Variants in FHIP2A observed in about 807,000 individuals in gnomAD.
The protein encoded by FHIP2A is FHF complex subunit HOOK interacting protein 2A.
In FHIP2A, 46 loss-of-function variants were observed where a neutral mutation model predicts 93.5. The observed-to-expected ratio is 0.49, with a 90% CI of 0.39 to 0.63. The LOEUF (loss-of-function observed/expected upper bound fraction) is 0.63, where lower values mean the gene tolerates loss of function less well. Among genes scored for constraint, FHIP2A ranks in the 20% least tolerant of loss-of-function variants. The pLI is 0.00. For missense variants in FHIP2A, 769 were observed against 909.7 expected, an observed-to-expected ratio of 0.85 and a Z score of 1.99; for synonymous variants, 332 against 326.5, an observed-to-expected ratio of 1.02 and a Z score of -0.18.
chr10:114,892,573 G>A (rs1334483291), intron 16 of FHIP2A, among the ~76,000 whole-genome samples: 2 of 152,108 alleles, frequency 1.3e-5, no homozygotes, highest in Non-Finnish European at 2.9e-5. Context: ...GGGAGGAGGA[G>A]GTTGCAGTGA....
chr10:114,855,182 CT>C lies in FHIP2A; in HGVS notation c.1804-9del, dbSNP rs748785280. 46 of 1,594,198 alleles carry C rather than the reference CT, an allele frequency of 2.9e-5. No individual in the cohort carries two copies. The highest frequency in any genetic ancestry group is 2.6e-4 in the South Asian group (23 of 87,042). ...TTTTTGTTCTTTAATGATTCACATG[CT>C]TTTTTCCCCCTAGTTCCGAGACTAC... On this transcript the variant is annotated splice_polypyrimidine_tract_variant and intron_variant, in intron 13 of 16. Coordinates refer to ENST00000369248, the MANE Select transcript of FHIP2A (RefSeq NM_020940.4).
intron 16 of FHIP2A, among the ~76,000 whole-genome samples, chr10:114,887,972 A>G (rs1215552966): frequency 1.3e-5 from 2 of 152,184 alleles, no homozygotes; most frequent in Non-Finnish European, 2.9e-5. Flanking sequence ...GGTGCAGCCT[A>G]TGGACAGATA....
At chr10:114,828,439 A>G (rs562242171) in intron 1 of FHIP2A, among the ~76,000 whole-genome samples, 3 of 152,362 alleles carry the variant, frequency 2.0e-5, no homozygotes, top group East Asian at 1.9e-4. Context: ...GAAAAATTTA[A>G]CAAATCATAG....
downstream of FHIP2A, among the ~76,000 whole-genome samples, chr10:114,867,941 ATTTT>A (rs3981290): frequency 9.2e-5 from 13 of 141,002 alleles, no homozygotes; most frequent in Non-Finnish European, 1.2e-4. Context: ...GTGCTTTATA[ATTTT>A]TTTTTTTTTT....
In FHIP2A at chr10:114,877,164, C is replaced by G. The variant is rs560937252; in HGVS notation, c.2192+15830C>G. ...AGGCTGGAACGGGCTCAGAGCACCCCTGTTCTTAGAGGAACAATCAATGGG... is the reference window on the plus strand; with the variant it reads ...AGGCTGGAACGGGCTCAGAGCACCCGTGTTCTTAGAGGAACAATCAATGGG... On this transcript the variant is annotated intron_variant, in intron 16 of 16. Coordinates refer to the FHIP2A transcript ENST00000369250. Among the ~76,000 whole-genome samples, 421 of 152,276 alleles carry G rather than the reference C, an allele frequency of 2.8e-3. 3 individuals carry two copies. Among genetic ancestry groups the G allele is most frequent in the African/African-American group, 7.7e-3 (322 of 41,562 alleles).
downstream of FHIP2A, among the ~76,000 whole-genome samples, chr10:114,868,722 G>A (rs1056988346): frequency 2.0e-5 from 3 of 152,256 alleles, no homozygotes; most frequent in African/African-American, 7.2e-5. Flanking sequence ...TAAGGGGAAA[G>A]GGAAGATATC....
intron 16 of FHIP2A, among the ~76,000 whole-genome samples, chr10:114,896,226 G>C (rs1048503036): frequency 6.6e-6 from 1 of 151,556 alleles, no homozygotes; most frequent in East Asian, 1.9e-4. Context: ...GAAAACTATA[G>C]AAACAAGCAA....
chr10:114,827,796 CAAAAAAAA>C (rs1193460267), intron 1 of FHIP2A, among the ~76,000 whole-genome samples: 1 of 84,110 alleles, frequency 1.2e-5, no homozygotes, highest in Non-Finnish European at 2.2e-5. Flanking sequence ...GACTCCATCT[CAAAAAAAA>C]AAAAAAAAAA....
At position 114,862,021 on chromosome 10, in the gene FHIP2A, CTG is replaced by C. The variant is rs1447666634; in HGVS notation, c.*483_*484del. The C allele has an allele frequency of 6.0e-5, 58 of 969,310 alleles. No individual in the cohort carries two copies. The highest frequency in any genetic ancestry group is 1.1e-4 in the East Asian group (1 of 8,718). 60.0% of individuals were successfully genotyped at this position (969,310 alleles called of 1,614,324 possible). A position where few individuals can be genotyped will look rare whatever the true frequency, so the allele number is the denominator to read the frequency against. On this transcript the variant is annotated 3_prime_UTR_variant, in exon 17 of 17. Transcript: ENST00000369248. The stretch of plus-strand genomic sequence containing the variant: ...ATTCTTATCAAACAAAATATGAAAA[CTG>C]TAAATGAGAAAAAAATACAATTCAG...
chr10:114,899,432 A>G (rs1326907845), intron 16 of FHIP2A: 1 of 718,044 alleles, frequency 1.4e-6, no homozygotes, highest in Non-Finnish European at 2.6e-6. Context: ...CTCAGGCTAC[A>G]TCCTCAGGGA....
chr10:114,843,195 T>C lies in FHIP2A; in HGVS notation c.785T>C (p.Val262Ala). Reference protein sequence around the residue: ...VVCPNQDYNLVNSLLNLTRSP... With the variant: ...VVCPNQDYNLANSLLNLTRSP... ...TGTCCAAATCAGGATTACAATTTAG[T>C]GAATTCTTTGTTAAATCTTACTAGA... The change falls in exon 6 of 17, where the codon GTG becomes GCG. Residue 262 changes from valine (V) to alanine (A), a missense_variant. Transcript: ENST00000369248. 1 of 1,613,614 alleles carries C rather than the reference T, an allele frequency of 6.2e-7. No homozygotes were observed. Among genetic ancestry groups the C allele is most frequent in the Non-Finnish European group, 8.5e-7 (1 of 1,179,696 alleles).
intron 14 of FHIP2A, among the ~76,000 whole-genome samples, chr10:114,859,784 T>TAC (rs1400428534): frequency 3.9e-5 from 6 of 152,218 alleles, no homozygotes; most frequent in Admixed American, 2.0e-4. Flanking sequence ...TGAGGAACTG[T>TAC]ACACAGATAT....
In FHIP2A at chr10:114,846,315, G is replaced by A. The variant is rs1373624168; in HGVS notation, c.1346G>A (p.Arg449Lys). The A allele has an allele frequency of 6.2e-7, 1 of 1,614,164 alleles. No individual in the cohort carries two copies. Among genetic ancestry groups the A allele is most frequent in the East Asian group, 2.2e-5 (1 of 44,872 alleles). Reference protein sequence around the residue: ...REPETLAEISRHPLRHRLIEH... With the variant: ...REPETLAEISKHPLRHRLIEH... ...CCAGAAACTCTGGCAGAAATCAGCA[G>A]ACATCCTTTAAGGCATAGGTTAATT... The change falls in exon 10 of 17, where the codon AGA becomes AAA. Residue 449 changes from arginine to lysine, a missense_variant. Physicochemically the swap from Arg to Lys is conservative, Grantham distance 26. Coordinates refer to ENST00000369248, the MANE Select transcript of FHIP2A (RefSeq NM_020940.4).
chr10:114,834,817 T>A (rs2143010286), intron 3 of FHIP2A, among the ~76,000 whole-genome samples: 1 of 152,342 alleles, frequency 6.6e-6, no homozygotes, highest in South Asian at 2.1e-4. Flanking sequence ...TTGAACAACA[T>A]GGGTTTGAAC....
At position 114,899,488 on chromosome 10, in the gene FHIP2A, A is replaced by T; in HGVS notation, c.2193-2A>T. 1.4e-6 allele frequency: 1 copy of T among 718,512 alleles called. No homozygotes were observed. The highest frequency in any genetic ancestry group is 2.6e-6 in the Non-Finnish European group (1 of 385,078). The allele number at this position is 718,512 out of a possible 1,614,324, so 44.5% of individuals were successfully genotyped here. On this transcript the variant is annotated splice_acceptor_variant, in intron 16 of 16. Coordinates refer to the FHIP2A transcript ENST00000369250. LOFTEE classifies it high-confidence loss of function. The stretch of plus-strand genomic sequence containing the variant: ...TCCTGATCTTCTTTCTTTTATCCTC[A>T]GGCAGACGTTGCCTTCATGGTGGTA...
downstream of FHIP2A, among the ~76,000 whole-genome samples, chr10:114,867,081 TG>T (rs1344780456): frequency 7.9e-5 from 12 of 151,876 alleles, no homozygotes; most frequent in African/African-American, 2.9e-4. Flanking sequence ...TGGTGGCACG[TG>T]CCTGTAATCC....
intron 16 of FHIP2A, among the ~76,000 whole-genome samples, chr10:114,876,778 T>C (rs1212960929): frequency 4.6e-5 from 7 of 152,110 alleles, no homozygotes; most frequent in Non-Finnish European, 4.4e-5. Flanking sequence ...TCTACTCTGG[T>C]GAGACTTCTT....
intron 16 of FHIP2A, among the ~76,000 whole-genome samples, chr10:114,880,930 C>G (rs886954827): frequency 6.6e-6 from 1 of 152,226 alleles, no homozygotes; most frequent in African/African-American, 2.4e-5. Context: ...CAGGGACCTT[C>G]CCTCCTTACA....
intron 13 of FHIP2A, among the ~76,000 whole-genome samples, chr10:114,853,883 C>A (rs115978594): frequency 6.6e-6 from 1 of 151,922 alleles, no homozygotes; most frequent in Admixed American, 6.6e-5. Flanking sequence ...CCACTGCACC[C>A]GACCATTTTC....
Sources: gnomAD v4.1 joint callset for allele counts (sites outside exome capture counted in the v4.1 genomes callset) on GRCh38, gnomAD v4.1.1 for gene constraint, MANE v1.5 for transcripts, NCBI Gene and HGNC (gene_info 2026-07-23, HGNC 2026-07-21) for gene names.